Variants in LINGO2 observed in about 807,000 individuals in gnomAD.
LINGO2 encodes the protein leucine rich repeat and Ig domain containing 2.
LINGO2 carries 14 observed loss-of-function variants against 30.6 expected under a neutral mutation model. The ratio of observed to expected loss-of-function variants is 0.46; its 90% CI spans 0.30 to 0.72. The LOEUF (loss-of-function observed/expected upper bound fraction) is 0.72. LINGO2 is among the 30% of genes least tolerant of loss of function. LINGO2 has a pLI of 0.07. For missense variants in LINGO2, 729 were observed against 751.7 expected (o/e 0.97, Z 0.35); for synonymous variants, 317 against 288.5 (o/e 1.10, Z -1.00).
At chr9:28,351,015 G>C (rs1462423204) in intron 3 of LINGO2, among the ~76,000 whole-genome samples, 1 of 151,960 alleles carries the variant, frequency 6.6e-6, no homozygotes, top group Admixed American at 6.6e-5. Context: ...TAGAGGGAAA[G>C]TTATAGCACT....
At chr9:28,155,030 GA>G (rs1293709660) in intron 4 of LINGO2, among the ~76,000 whole-genome samples, 1 of 152,130 alleles carries the variant, frequency 6.6e-6, no homozygotes, top group Non-Finnish European at 1.5e-5. Context: ...TCTTGTTATT[GA>G]AACTTGATGT....
intron 5 of LINGO2, among the ~76,000 whole-genome samples, chr9:27,991,560 G>A (rs1257595693): frequency 1.3e-5 from 2 of 152,008 alleles, no homozygotes; most frequent in African/African-American, 4.8e-5. Context: ...AACACTGGAG[G>A]TGGTTGCCCC....
At chr9:28,529,886 C>A (rs2135425160) in intron 1 of LINGO2, among the ~76,000 whole-genome samples, 1 of 152,032 alleles carries the variant, frequency 6.6e-6, no homozygotes, top group Admixed American at 6.6e-5. Context: ...AAAGAAAAAT[C>A]CTACTTCTTT....
chr9:28,456,374 C>G (rs1054092985), intron 2 of LINGO2, among the ~76,000 whole-genome samples: 6 of 152,168 alleles, frequency 3.9e-5, no homozygotes, highest in Non-Finnish European at 7.3e-5. Flanking sequence ...CCTCCCAAGA[C>G]TTTTCTCCAT....
chr9:29,055,430 A>AT, the LINGO2 span, among the ~76,000 whole-genome samples: 5 of 152,126 alleles, frequency 3.3e-5, no homozygotes, highest in African/African-American at 9.7e-5. Context: ...ATATCACCAC[A>AT]TTTTTTGTAG....
At chr9:28,788,313 C>T in the LINGO2 span, among the ~76,000 whole-genome samples, 3 of 152,102 alleles carry the variant, frequency 2.0e-5, no homozygotes, top group Admixed American at 6.6e-5. Flanking sequence ...CAGTTTATTG[C>T]CAATAAGCTT....
chr9:28,178,197 G>T (rs1290956141), intron 4 of LINGO2, among the ~76,000 whole-genome samples: 3 of 152,072 alleles, frequency 2.0e-5, no homozygotes, highest in African/African-American at 7.2e-5. Flanking sequence ...AACATGGAGT[G>T]AAATCAAGCT....
the LINGO2 span, among the ~76,000 whole-genome samples, chr9:28,843,062 G>T: frequency 1.3e-5 from 2 of 151,946 alleles, no homozygotes; most frequent in South Asian, 2.1e-4. Context: ...GACAACTAAT[G>T]ACAGCAGGAA....
intron 1 of LINGO2, among the ~76,000 whole-genome samples, chr9:28,503,571 GA>G (rs931637219): frequency 2.1e-4 from 32 of 150,582 alleles, no homozygotes; most frequent in East Asian, 7.8e-4. Flanking sequence ...AATTTTCAGT[GA>G]AAAAAAAATT....
chr9:28,320,494 T>G (rs1824999653), intron 3 of LINGO2, among the ~76,000 whole-genome samples: 1 of 152,152 alleles, frequency 6.6e-6, no homozygotes, highest in South Asian at 2.1e-4. Flanking sequence ...GTGCTGCTCT[T>G]AGGCTCTGGA....
chr9:28,736,805 C>T, the LINGO2 span, among the ~76,000 whole-genome samples: 2 of 151,992 alleles, frequency 1.3e-5, no homozygotes, highest in African/African-American at 4.8e-5. Context: ...TAAATACATA[C>T]ATACATATAT....
chr9:28,975,338 T>A, the LINGO2 span, among the ~76,000 whole-genome samples: 1 of 152,230 alleles, frequency 6.6e-6, no homozygotes, highest in Non-Finnish European at 1.5e-5. Context: ...GCTGATGACC[T>A]ATGAACCTCA....
At chr9:28,935,876 C>T in the LINGO2 span, among the ~76,000 whole-genome samples, 3 of 151,868 alleles carry the variant, frequency 2.0e-5, no homozygotes, top group Non-Finnish European at 4.4e-5. Context: ...AAGCCATGTT[C>T]ATATAATATA....
the LINGO2 span, among the ~76,000 whole-genome samples, chr9:28,858,197 TCTGG>T: frequency 6.6e-6 from 1 of 152,040 alleles, no homozygotes; most frequent in Non-Finnish European, 1.5e-5. Flanking sequence ...ATTTCGCTTC[TCTGG>T]CTTTATGTTA....
At chr9:28,546,181 C>A (rs111538752) in intron 1 of LINGO2, among the ~76,000 whole-genome samples, 1 of 151,950 alleles carries the variant, frequency 6.6e-6, no homozygotes, top group South Asian at 2.1e-4. Flanking sequence ...GATTAGTTTT[C>A]TTTTAATATA....
chr9:28,215,231 AT>A (rs1484620704), intron 4 of LINGO2, among the ~76,000 whole-genome samples: 1 of 151,818 alleles, frequency 6.6e-6, no homozygotes, highest in Non-Finnish European at 1.5e-5. Flanking sequence ...CTCCTTTAGA[AT>A]TTCCCATTTC....
chr9:28,399,448 T>C (rs1822175892), intron 2 of LINGO2, among the ~76,000 whole-genome samples: 1 of 152,176 alleles, frequency 6.6e-6, no homozygotes, highest in South Asian at 2.1e-4. Context: ...AATTTGTAGA[T>C]TTACATGTAA....
the LINGO2 span, among the ~76,000 whole-genome samples, chr9:29,132,978 C>T: frequency 6.6e-6 from 1 of 151,984 alleles, no homozygotes; most frequent in Non-Finnish European, 1.5e-5. Context: ...GCCTTAGCTT[C>T]CCTAACAGTT....
chr9:28,110,344 C>A (rs1002450265), intron 4 of LINGO2, among the ~76,000 whole-genome samples: 1 of 152,184 alleles, frequency 6.6e-6, no homozygotes, highest in African/African-American at 2.4e-5. Context: ...GCAAAGATTT[C>A]ATGACTAAAA....
Sources: gnomAD v4.1 joint callset for allele counts (sites outside exome capture counted in the v4.1 genomes callset) on GRCh38, gnomAD v4.1.1 for gene constraint, MANE v1.5 for transcripts, NCBI Gene and HGNC (gene_info 2026-07-23, HGNC 2026-07-21) for gene names.